The following DIAPH1 variants were observed in gnomAD, a reference collection of about 807,000 sequenced individuals.
DIAPH1 encodes the protein diaphanous related formin 1.
In DIAPH1, 46 loss-of-function variants were observed where a neutral mutation model predicts 140.7. The ratio of observed to expected loss-of-function variants is 0.33; its 90% CI spans 0.26 to 0.42. DIAPH1 has a LOEUF of 0.42. Among genes scored for constraint, DIAPH1 ranks in the 10% least tolerant of loss-of-function variants. The probability of loss-of-function intolerance (pLI) is 1.00; values close to 1 mark genes in which losing one functional copy is unlikely to be tolerated. For synonymous variants in DIAPH1, 565 were observed against 551.6 expected, an observed-to-expected ratio of 1.02 and a Z score of -0.34; for missense variants, 1,310 against 1,558.7, an observed-to-expected ratio of 0.84 and a Z score of 2.69.
chr5:141,534,033 CAAAAAA>C (rs35815835), intron 19 of DIAPH1, among the ~76,000 whole-genome samples: 1 of 49,968 alleles, frequency 2.0e-5, no homozygotes, highest in African/African-American at 8.4e-5. Flanking sequence ...GACTGTGTCT[CAAAAAA>C]AAAAAAAAAA....
At chr5:141,578,999 C>T (rs940368289) in intron 9 of DIAPH1, 89 bp downstream of exon 9, 3 of 955,956 alleles carry the variant, frequency 3.1e-6, no homozygotes, top group African/African-American at 3.2e-5. Context: ...TTGGGAGGCA[C>T]TCCATGTATT....
intron 18 of DIAPH1, among the ~76,000 whole-genome samples, chr5:141,535,046 C>A (rs565925941): frequency 2.6e-4 from 40 of 152,168 alleles, no homozygotes; most frequent in Non-Finnish European, 5.6e-4. Context: ...ACCTCTTGGG[C>A]TCAGATAATT....
chr5:141,579,150 C>T lies in DIAPH1; in HGVS notation c.871G>A (p.Glu291Lys). Reference protein sequence around the residue: ...EAMTERAEMDEVERFQPLLDG... With the variant: ...EAMTERAEMDKVERFQPLLDG... Reference sequence around the variant, plus strand: ...AGCAGCGGCTGGAAACGTTCCACTTCATCCATCTCAGCTCTTTCTGTCATT... The same window carrying T: ...AGCAGCGGCTGGAAACGTTCCACTTTATCCATCTCAGCTCTTTCTGTCATT... The change falls in exon 9 of 28, where the codon GAA (glutamate) becomes AAA (lysine). Residue 291 changes from glutamate (E) to lysine (K), a missense_variant. Glu to Lys is a moderately conservative substitution (Grantham distance 56, BLOSUM62 1). Transcript: ENST00000389054. 6.2e-7 allele frequency: 1 copy of T among 1,614,200 alleles called. No homozygotes were observed. Among genetic ancestry groups the T allele is most frequent in the Non-Finnish European group, 8.5e-7 (1 of 1,180,030 alleles).
chr5:141,573,723 T>C lies in DIAPH1; in HGVS notation c.2127A>G (p.Gly709=). The stretch of plus-strand genomic sequence containing the variant: ...GAGGAGGAGGTGGCATTCCTGCTTC[T>C]CCAGGCAAGGGAGGAGGTGGGGGGG... ...GIPPPPPPLP[G]EAGMPPPPPP... The change falls in exon 16 of 28, where the codon GGA becomes GGG. Residue 709 remains glycine (G), a synonymous_variant. Transcript: ENST00000389054. 7.6e-7 allele frequency: 1 copy of C among 1,319,492 alleles called. No homozygotes were observed. Among genetic ancestry groups the C allele is most frequent in the Non-Finnish European group, 1.0e-6 (1 of 1,002,590 alleles). 81.7% of individuals were successfully genotyped at this position (1,319,492 alleles called of 1,614,324 possible).
intron 18 of DIAPH1, among the ~76,000 whole-genome samples, chr5:141,537,198 A>AATTGGCC (rs2099889151): frequency 6.6e-6 from 1 of 151,964 alleles, no homozygotes; most frequent in South Asian, 2.1e-4. Flanking sequence ...AAAAAATGAA[A>AATTGGCC]ATTGGCCAGA....
At chr5:141,581,865 T>C (rs181868937) in intron 7 of DIAPH1, 28 of 161,662 alleles carry the variant, frequency 1.7e-4, no homozygotes, top group Non-Finnish European at 3.4e-4. Context: ...CCGTCCTGGC[T>C]AACATGGTAA....
At chr5:141,553,030 TG>T (rs2099891981) in intron 18 of DIAPH1, among the ~76,000 whole-genome samples, 1 of 152,202 alleles carries the variant, frequency 6.6e-6, no homozygotes, top group Non-Finnish European at 1.5e-5. Flanking sequence ...GGCTCACACC[TG>T]TAATCCCAGC....
rs185759881 is a variant in DIAPH1, at chr5:141,523,980, C to A, written c.3661+163G>T. On this transcript the variant is annotated intron_variant, in intron 27 of 27. Transcript: ENST00000389054. The stretch of plus-strand genomic sequence containing the variant: ...CCTTAAACCCCAGTTTTCTAAGTCG[C>A]TACTCTGTAACATGGGAAGAAGAGG... Among the ~76,000 whole-genome samples the A allele has an allele frequency of 7.6e-3, 1,150 of 151,958 alleles. 19 individuals carry two copies. Among genetic ancestry groups the A allele is most frequent in the African/African-American group, 0.026 (1,092 of 41,442 alleles).
chr5:141,570,661 A>C (rs1166356020), intron 18 of DIAPH1, among the ~76,000 whole-genome samples: 1 of 152,198 alleles, frequency 6.6e-6, no homozygotes, highest in Non-Finnish European at 1.5e-5. Context: ...TGGGGAAAAT[A>C]AATGCTCCAA....
chr5:141,618,752 G>T, intron 1 of DIAPH1, 46 bp downstream of exon 1: 1 of 1,392,070 alleles, frequency 7.2e-7, no homozygotes, highest in Non-Finnish European at 9.9e-7. Flanking sequence ...GGGGTCCAGA[G>T]GGCGGTTACG....
intron 8 of DIAPH1, among the ~76,000 whole-genome samples, chr5:141,579,646 C>T (rs555089440): frequency 6.6e-6 from 1 of 152,230 alleles, no homozygotes; most frequent in Admixed American, 6.5e-5. Context: ...GTGAAATCTG[C>T]TTTAAAAAAT....
At chr5:141,542,418 G>A (rs747777654) in intron 18 of DIAPH1, among the ~76,000 whole-genome samples, 23 of 151,262 alleles carry the variant, frequency 1.5e-4, no homozygotes, top group Non-Finnish European at 2.7e-4. Flanking sequence ...GGGCAACAGA[G>A]TGGGACTCTG....
Position 141,614,881 on chromosome 5 carries a change from C to T in DIAPH1, c.117+3917G>A, listed in dbSNP as rs2099902425. On this transcript the variant is annotated intron_variant, in intron 1 of 27. Coordinates refer to ENST00000389054, the MANE Select transcript of DIAPH1 (RefSeq NM_005219.5). ...CAGTTTTCTGCAAACTTTTGCAAAG[C>T]TCTCTGTATATTTTTCAGTTTTCTG... Among the ~76,000 whole-genome samples the T allele has an allele frequency of 2.6e-5, 4 of 151,226 alleles. No homozygotes were observed. The South Asian group carries it at 8.4e-4, about 32-fold the overall frequency.
rs1161342377 is a variant in DIAPH1, at chr5:141,515,047, TG to T, written c.*1803del. On this transcript the variant is annotated 3_prime_UTR_variant, in exon 28 of 28. Transcript: ENST00000389054. ...ACTGTTTCAATGCTTTATTAACAGT[TG>T]GAAACAAAACCAACAAACTGGAGGT... 1 of 152,590 alleles carries T rather than the reference TG, an allele frequency of 6.6e-6. No homozygotes were observed. The highest frequency in any genetic ancestry group is 2.4e-5 in the African/African-American group (1 of 41,432). The allele number at this position is 152,590 out of a possible 1,614,324, so 9.5% of individuals were successfully genotyped here.
chr5:141,611,976 A>T (rs1257801506), intron 1 of DIAPH1, among the ~76,000 whole-genome samples: 3 of 152,220 alleles, frequency 2.0e-5, no homozygotes, highest in Non-Finnish European at 4.4e-5. Context: ...CTGAGGCAGG[A>T]GAATCCCTTG....
rs187606911 is a variant in DIAPH1 at position 141,541,486 on chromosome 5, G to A, written c.2483-7053C>T. 2.9e-3 allele frequency among the ~76,000 whole-genome samples: 447 copies of A among 152,124 alleles called. 2 individuals are homozygous for A. The highest frequency in any genetic ancestry group is 0.01 in the African/African-American group (419 of 41,518). ...GTTGATCACTTGAAGTCAGGAGTTC[G>A]AGATCAGCCTGGCCAACATGGTGAA... On this transcript the variant is annotated intron_variant, in intron 18 of 27. Transcript: ENST00000389054.
intron 18 of DIAPH1, among the ~76,000 whole-genome samples, chr5:141,544,709 A>G (rs1486188522): frequency 6.6e-6 from 1 of 152,234 alleles, no homozygotes; most frequent in Non-Finnish European, 1.5e-5. Flanking sequence ...TAAAATCACT[A>G]AAAACAAAAC....
chr5:141,585,479 T>C (rs1332318289), intron 3 of DIAPH1, among the ~76,000 whole-genome samples: 1 of 152,162 alleles, frequency 6.6e-6, no homozygotes, highest in Non-Finnish European at 1.5e-5. Context: ...AACGGTTTTT[T>C]CAACAATTTT....
At chr5:141,555,042 TTC>T (rs2099892347) in intron 18 of DIAPH1, among the ~76,000 whole-genome samples, 2 of 152,124 alleles carry the variant, frequency 1.3e-5, no homozygotes, top group South Asian at 4.1e-4. Flanking sequence ...GAATGTAAAT[TTC>T]CTTTTAAATT....
Sources: gnomAD v4.1 joint callset for allele counts (sites outside exome capture counted in the v4.1 genomes callset) on GRCh38, gnomAD v4.1.1 for gene constraint, MANE v1.5 for transcripts, NCBI Gene and HGNC (gene_info 2026-07-23, HGNC 2026-07-21) for gene names.